The following CDK14 variants were observed in gnomAD, a reference collection of about 807,000 sequenced individuals.
CDK14 encodes the protein cyclin dependent kinase 14, also known as cyclin-dependent kinase 14.
A neutral mutation model predicts 60.7 loss-of-function variants in CDK14; 34 were observed. The observed-to-expected ratio is 0.56, with a 90% CI of 0.43 to 0.75. The LOEUF (loss-of-function observed/expected upper bound fraction) is 0.75, where lower values mean the gene tolerates loss of function less well. CDK14 is among the 30% of genes least tolerant of loss of function. The pLI is 0.00. For synonymous variants in CDK14, 197 were observed against 203.7 expected (o/e 0.97, Z 0.28); for missense variants, 482 against 564.1 (o/e 0.85, Z 1.47).
intron 2 of CDK14, among the ~76,000 whole-genome samples, chr7:90,674,194 TTATC>T (rs1801153267): frequency 3.9e-5 from 6 of 152,200 alleles, no homozygotes. Context: ...AAGAATATGA[TTATC>T]TATAGCGAGA....
intron 8 of CDK14, among the ~76,000 whole-genome samples, chr7:90,923,938 G>A (rs1458486926): frequency 6.6e-6 from 1 of 152,216 alleles, no homozygotes; most frequent in Admixed American, 6.5e-5. Flanking sequence ...GAATTAATAG[G>A]TGTTGTTAAC....
chr7:90,812,016 G>A lies in CDK14; in HGVS notation c.544+21364G>A, dbSNP rs573452897. ...AAATAGGAACACTTTTACACTGTTGGTGAGACTGTAAACTAGTTCAACCAT... is the reference window on the plus strand; with the variant it reads ...AAATAGGAACACTTTTACACTGTTGATGAGACTGTAAACTAGTTCAACCAT... On this transcript the variant is annotated intron_variant, in intron 5 of 14. Coordinates refer to ENST00000380050, the MANE Select transcript of CDK14 (RefSeq NM_001287135.2). Among the ~76,000 whole-genome samples the A allele has an allele frequency of 6.5e-3, 990 of 152,270 alleles. 3 individuals carry two copies. The highest frequency in any genetic ancestry group is 0.011 in the Non-Finnish European group (746 of 68,014).
intron 10 of CDK14, among the ~76,000 whole-genome samples, chr7:90,998,899 T>TAAAC (rs1286581489): frequency 6.6e-6 from 1 of 151,466 alleles, no homozygotes. Context: ...AAAAATAAAA[T>TAAAC]AAATAAATAA....
intron 3 of CDK14, among the ~76,000 whole-genome samples, chr7:90,740,587 A>G (rs1803306143): frequency 6.6e-6 from 1 of 152,148 alleles, no homozygotes; most frequent in East Asian, 1.9e-4. Flanking sequence ...GACTCAGGAG[A>G]AACAAACCCT....
At position 91,112,378 on chromosome 7, in the gene CDK14, ATACTC is replaced by A. The variant is rs1468867633; in HGVS notation, c.1155-162_1155-158del. ...AGTAAAAGTAAGTTTGAAGTAACAA[ATACTC>A]TGAGAACCAACATGCATTTTGCTTC... On this transcript the variant is annotated intron_variant, in intron 12 of 14. Coordinates refer to ENST00000380050, the MANE Select transcript of CDK14 (RefSeq NM_001287135.2). Among the ~76,000 whole-genome samples the A allele has an allele frequency of 2.1e-4, 32 of 152,194 alleles. 1 individual carries two copies. Among genetic ancestry groups the A allele is most frequent in the Non-Finnish European group, 2.9e-5 (2 of 68,040 alleles).
chr7:90,909,159 A>G (rs1411182130), intron 7 of CDK14, among the ~76,000 whole-genome samples: 5 of 152,134 alleles, frequency 3.3e-5, no homozygotes, highest in African/African-American at 1.2e-4. Context: ...CCATTTCCCA[A>G]TTTGGATTTT....
chr7:90,805,089 T>A (rs1788770530), intron 5 of CDK14, among the ~76,000 whole-genome samples: 1 of 152,080 alleles, frequency 6.6e-6, no homozygotes, highest in Non-Finnish European at 1.5e-5. Flanking sequence ...ACACTGGGAT[T>A]TTTAAATTGA....
intron 14 of CDK14, among the ~76,000 whole-genome samples, chr7:91,153,112 T>TCAAAGATTCTCC (rs981645789): frequency 6.6e-6 from 1 of 152,000 alleles, no homozygotes; most frequent in Non-Finnish European, 1.5e-5. Flanking sequence ...ATGGCAGGGG[T>TCAAAGATTCTCC]CAAAGATTCT....
intron 6 of CDK14, among the ~76,000 whole-genome samples, chr7:90,895,277 T>A (rs563830540): frequency 4.6e-5 from 7 of 151,650 alleles, no homozygotes; most frequent in Admixed American, 6.6e-5. Flanking sequence ...TTTAAAATCT[T>A]CACAATTTTA....
At position 91,004,647 on chromosome 7, in the gene CDK14, G is replaced by T. The variant is rs558696181; in HGVS notation, c.1041+20406G>T. 5.3e-5 allele frequency among the ~76,000 whole-genome samples: 8 copies of T among 152,320 alleles called. No homozygotes were observed. In the South Asian group the frequency reaches 1.7e-3, roughly 32 times the overall value. ...AAGTTGGATGACTTGGAACCTAAAG[G>T]ACACAGGGGAAGTTTTGAAGTGAAG... On this transcript the variant is annotated intron_variant, in intron 10 of 14. Transcript: ENST00000380050.
At chr7:90,811,564 C>T (rs1353723477) in intron 5 of CDK14, among the ~76,000 whole-genome samples, 2 of 151,924 alleles carry the variant, frequency 1.3e-5, no homozygotes, top group Non-Finnish European at 2.9e-5. Context: ...TGGGCAAGGA[C>T]TTCATGTCTA....
intron 2 of CDK14, among the ~76,000 whole-genome samples, chr7:90,713,960 A>G (rs543896702): frequency 7.2e-5 from 11 of 152,186 alleles, no homozygotes; most frequent in African/African-American, 1.9e-4. Context: ...AAGCATTTTT[A>G]TAGTAATTTA....
intron 8 of CDK14, among the ~76,000 whole-genome samples, chr7:90,927,255 C>T (rs1793446755): frequency 6.6e-6 from 1 of 152,114 alleles, no homozygotes; most frequent in African/African-American, 2.4e-5. Flanking sequence ...TTCTGGCAAC[C>T]AATCCCCATC....
chr7:91,197,312 A>AT (rs1584203829), intron 14 of CDK14, among the ~76,000 whole-genome samples: 1 of 152,038 alleles, frequency 6.6e-6, no homozygotes, highest in East Asian at 1.9e-4. Flanking sequence ...GGGCAGGAGA[A>AT]TCACGTGAAC....
At chr7:91,185,151 G>C (rs2115903475) in intron 14 of CDK14, among the ~76,000 whole-genome samples, 1 of 148,392 alleles carries the variant, frequency 6.7e-6, no homozygotes, top group African/African-American at 2.5e-5. Context: ...GGACTCAGTG[G>C]TGAATAAGAC....
chr7:90,817,936 T>C (rs1417613589), intron 5 of CDK14, among the ~76,000 whole-genome samples: 1 of 152,206 alleles, frequency 6.6e-6, no homozygotes, highest in Non-Finnish European at 1.5e-5. Context: ...CTACCCTTTC[T>C]AACCAGCAGA....
chr7:90,980,499 A>C (rs1795201507), intron 9 of CDK14, among the ~76,000 whole-genome samples: 1 of 152,104 alleles, frequency 6.6e-6, no homozygotes, highest in Non-Finnish European at 1.5e-5. Flanking sequence ...GGGTAGAAAG[A>C]GGTGGGGGGA....
At chr7:90,924,425 T>TAA (rs3038244) in intron 8 of CDK14, among the ~76,000 whole-genome samples, 25,395 of 152,174 alleles carry the variant, frequency 0.17, 2,340 homozygotes, top group East Asian at 0.36. Flanking sequence ...TCAGTAAGTG[T>TAA]AAACGTTAGC....
intron 1 of CDK14, 60 bp downstream of exon 1, chr7:90,596,778 C>A: frequency 7.1e-7 from 1 of 1,409,120 alleles, no homozygotes; most frequent in African/African-American, 1.4e-5. Context: ...TGCGCCCCCG[C>A]CGCGTTCCTG....
Sources: allele counts gnomAD v4.1 joint callset (sites outside exome capture counted in the v4.1 genomes callset), GRCh38; gene constraint gnomAD v4.1.1; transcripts MANE v1.5; gene names NCBI Gene and HGNC (gene_info 2026-07-23, HGNC 2026-07-21).